The following EPS15L1 variants were observed in gnomAD, a reference collection of about 807,000 sequenced individuals.
EPS15L1 encodes epidermal growth factor receptor pathway substrate 15 like 1, also known as epidermal growth factor receptor substrate 15-like 1.
Under a neutral mutation model 117.1 loss-of-function variants are expected in EPS15L1, and 43 were observed. The observed-to-expected ratio is 0.37, with a 90% CI of 0.29 to 0.47. EPS15L1 has a LOEUF of 0.47. Ranked by LOEUF, EPS15L1 falls within the 20% of genes least tolerant of loss-of-function variation. The probability of loss-of-function intolerance (pLI) is 0.99; values close to 1 mark genes in which losing one functional copy is unlikely to be tolerated. For synonymous variants in EPS15L1, 459 were observed against 470.5 expected (o/e 0.98, Z 0.32); for missense variants, 981 against 1,164.0 (o/e 0.84, Z 2.29).
At chr19:16,463,608 G>T (rs1199894424) in intron 1 of EPS15L1, among the ~76,000 whole-genome samples, 1 of 152,136 alleles carries the variant, frequency 6.6e-6, no homozygotes, top group African/African-American at 2.4e-5. Flanking sequence ...ACAGATGATT[G>T]TTGAGCACCT....
chr19:16,420,768 A>G lies in EPS15L1; in HGVS notation c.950+551T>C, dbSNP rs145679743. Among the ~76,000 whole-genome samples, 308 of 152,322 alleles carry G rather than the reference A, an allele frequency of 2.0e-3. 1 individual carries two copies. The highest frequency in any genetic ancestry group is 3.8e-3 in the Non-Finnish European group (256 of 68,032). The stretch of plus-strand genomic sequence containing the variant: ...GTGGCAAGAGGAGTGCCCCAGCCCT[A>G]TGAAGTCGGCTGTGTCCAGCCCTGG... On this transcript the variant is annotated intron_variant, in intron 10 of 23. Coordinates refer to ENST00000455140, the MANE Select transcript of EPS15L1 (RefSeq NM_001258374.3).
chr19:16,456,138 T>C (rs2093193686), intron 1 of EPS15L1, among the ~76,000 whole-genome samples: 1 of 152,090 alleles, frequency 6.6e-6, no homozygotes. Flanking sequence ...AGGCAGAGGT[T>C]GCAGCGAGCC....
intron 16 of EPS15L1, among the ~76,000 whole-genome samples, chr19:16,396,200 A>G (rs2092539035): frequency 1.3e-5 from 2 of 152,206 alleles, no homozygotes; most frequent in African/African-American, 2.4e-5. Context: ...CAAATGTACT[A>G]TATATGATGT....
At chr19:16,463,157 G>A (rs966827099) in intron 1 of EPS15L1, among the ~76,000 whole-genome samples, 2 of 152,082 alleles carry the variant, frequency 1.3e-5, no homozygotes, top group Non-Finnish European at 1.5e-5. Flanking sequence ...CTAAATGTGG[G>A]GTCTCACGTG....
chr19:16,367,753 C>CAAAAAAAAAAAAAAAAAAAACCAAAAA (rs60689307), intron 22 of EPS15L1, among the ~76,000 whole-genome samples: 3 of 50,630 alleles, frequency 5.9e-5, no homozygotes, highest in African/African-American at 7.3e-5. Flanking sequence ...GGGTGCAAAG[C>CAAAAAAAAAAAAAAAAAAAACCAAAAA]AAAAAAAAAA....
At chr19:16,455,004 CTGTAA>C (rs2145148087) in intron 1 of EPS15L1, among the ~76,000 whole-genome samples, 1 of 152,142 alleles carries the variant, frequency 6.6e-6, no homozygotes, top group Non-Finnish European at 1.5e-5. Context: ...TGGCGCACAC[CTGTAA>C]TCCCAGCTAC....
rs1397173837 is a variant in EPS15L1, at chr19:16,377,263, G to C, written c.2248-9C>G. 1.9e-6 allele frequency: 3 copies of C among 1,609,782 alleles called. No homozygotes were observed. Among genetic ancestry groups the C allele is most frequent in the Non-Finnish European group, 2.5e-6 (3 of 1,178,824 alleles). On this transcript the variant is annotated splice_polypyrimidine_tract_variant and intron_variant, in intron 21 of 23. Transcript: ENST00000455140. ...GGGCCAGAAGGTGGGGGCTGTAAGA[G>C]AGGACATGAAAGAGAGGCAAAAATA...
chr19:16,466,117 G>T (rs1253535920), intron 1 of EPS15L1, among the ~76,000 whole-genome samples: 3 of 151,798 alleles, frequency 2.0e-5, no homozygotes, highest in African/African-American at 4.8e-5. Context: ...GCCTCCTGAG[G>T]AGCTGGGACT....
chr19:16,444,086 AGT>A (rs2093059526), intron 1 of EPS15L1, among the ~76,000 whole-genome samples: 1 of 148,250 alleles, frequency 6.7e-6, no homozygotes, highest in African/African-American at 2.5e-5. Context: ...AAAAAAAAGA[AGT>A]GAAAGTACAG....
chr19:16,378,866 T>C (rs1233496925), intron 21 of EPS15L1, among the ~76,000 whole-genome samples: 1 of 152,136 alleles, frequency 6.6e-6, no homozygotes, highest in East Asian at 1.9e-4. Flanking sequence ...ATTAAGTCTG[T>C]AATAAAATAG....
At chr19:16,373,685 A>C (rs1202181973) in intron 22 of EPS15L1, among the ~76,000 whole-genome samples, 1 of 152,172 alleles carries the variant, frequency 6.6e-6, no homozygotes, top group East Asian at 1.9e-4. Flanking sequence ...GGAACCGGGA[A>C]GGGAATTGTA....
chr19:16,414,299 A>G (rs2092736179), intron 12 of EPS15L1, among the ~76,000 whole-genome samples: 2 of 152,116 alleles, frequency 1.3e-5, no homozygotes, highest in African/African-American at 4.8e-5. Flanking sequence ...ATGAGCCTAG[A>G]AACAGATTCT....
chr19:16,408,235 AG>A (rs1426699033), intron 13 of EPS15L1, among the ~76,000 whole-genome samples: 1 of 152,182 alleles, frequency 6.6e-6, no homozygotes, highest in Non-Finnish European at 1.5e-5. Flanking sequence ...CAGAGCAAAA[AG>A]AAGACAAAAA....
At chr19:16,372,286 C>A (rs1352001567) in intron 22 of EPS15L1, among the ~76,000 whole-genome samples, 3 of 152,228 alleles carry the variant, frequency 2.0e-5, no homozygotes, top group African/African-American at 7.2e-5. Context: ...CAGGTCAACA[C>A]CTGTCTGCCC....
Position 16,355,409 on chromosome 19 carries a change from C to A in EPS15L1, c.*296G>T. Reference sequence around the variant, plus strand: ...GGAAGCCCTGGGTGCTTCCTCTCCTCGACTGACCGCTGTGTGTTCGTCCCC... The same window carrying A: ...GGAAGCCCTGGGTGCTTCCTCTCCTAGACTGACCGCTGTGTGTTCGTCCCC... On this transcript the variant is annotated 3_prime_UTR_variant, in exon 24 of 24. Coordinates refer to ENST00000455140, the MANE Select transcript of EPS15L1 (RefSeq NM_001258374.3). The A allele has an allele frequency of 5.3e-6, 2 of 376,894 alleles. No homozygotes were observed. Among genetic ancestry groups the A allele is most frequent in the Non-Finnish European group, 9.7e-6 (2 of 207,004 alleles). The allele number at this position is 376,894 out of a possible 1,614,324, so 23.3% of individuals were successfully genotyped here.
intron 1 of EPS15L1, among the ~76,000 whole-genome samples, chr19:16,460,146 T>C (rs1012877571): frequency 2.6e-5 from 4 of 152,052 alleles, no homozygotes; most frequent in Admixed American, 2.6e-4. Context: ...CTGGGCGTGG[T>C]GGTGTGCTGA....
intron 11 of EPS15L1, 99 bp from the exon 12 acceptor site, chr19:16,417,736 T>G: frequency 8.3e-7 from 1 of 1,197,754 alleles, no homozygotes; most frequent in South Asian, 1.3e-5. Flanking sequence ...AATTGTCCCT[T>G]TAGTACACAG....
chr19:16,403,694 G>C (rs757416952), intron 15 of EPS15L1, 39 bp downstream of exon 15: 3 of 1,588,656 alleles, frequency 1.9e-6, no homozygotes, highest in Admixed American at 3.3e-5. Context: ...GGGCTCGCTG[G>C]TCCCTGGCAT....
chr19:16,404,278 T>G lies in EPS15L1; in HGVS notation c.1428+310A>C, dbSNP rs1045566319. Among the ~76,000 whole-genome samples, 2 of 152,086 alleles carry G rather than the reference T, an allele frequency of 1.3e-5. No homozygotes were observed. The highest frequency in any genetic ancestry group is 4.8e-5 in the African/African-American group (2 of 41,404). On this transcript the variant is annotated intron_variant, in intron 14 of 23. Transcript: ENST00000455140. The surrounding 1 kb of genome is among the most constrained non-coding windows in gnomAD (Gnocchi z 4.2). Reference sequence around the variant, plus strand: ...ATCTGTGAGGAGCCTCAGAGACACCTGAGGAGGGGACACAGGCACCCTGGA... The same window carrying G: ...ATCTGTGAGGAGCCTCAGAGACACCGGAGGAGGGGACACAGGCACCCTGGA...
Sources: allele counts gnomAD v4.1 joint callset (sites outside exome capture counted in the v4.1 genomes callset), GRCh38; gene constraint gnomAD v4.1.1; non-coding constraint Gnocchi (gnomAD v3.1); transcripts MANE v1.5; gene names NCBI Gene and HGNC (gene_info 2026-07-23, HGNC 2026-07-21).